CYFIP1: variants seen among roughly 807,000 people sequenced by gnomAD.
The protein encoded by CYFIP1 is cytoplasmic FMR1-interacting protein 1.
In CYFIP1, 58 loss-of-function variants were observed where a neutral mutation model predicts 163.5. The ratio of observed to expected loss-of-function variants is 0.35; its 90% CI spans 0.29 to 0.44. The LOEUF (loss-of-function observed/expected upper bound fraction) is 0.44, where lower values mean the gene tolerates loss of function less well. CYFIP1 is among the 20% of genes least tolerant of loss of function. CYFIP1 has a pLI of 1.00. For missense variants in CYFIP1, 1,338 were observed against 1,653.8 expected (o/e 0.81, Z 3.31); for synonymous variants, 663 against 660.7 (o/e 1.00, Z -0.05).
intron 11 of CYFIP1, 95 bp downstream of exon 11, chr15:22,932,128 A>G (rs1325320879): frequency 1.2e-6 from 1 of 818,222 alleles, no homozygotes; most frequent in African/African-American, 1.7e-5. Context: ...ATCTGGTAGT[A>G]AACTGTTTTT....
At chr15:22,911,549 C>T (rs936466076) in intron 18 of CYFIP1, among the ~76,000 whole-genome samples, 2 of 152,140 alleles carry the variant, frequency 1.3e-5, no homozygotes, top group East Asian at 1.9e-4. Flanking sequence ...AGATGGGATT[C>T]GCACTATCTC....
Position 22,960,748 on chromosome 15 carries a change from A to G in CYFIP1, c.-6-13457T>C, listed in dbSNP as rs537856979. Among the ~76,000 whole-genome samples the G allele has an allele frequency of 1.8e-4, 27 of 152,354 alleles. 1 individual carries two copies. The highest frequency in any genetic ancestry group is 1.6e-3 in the Admixed American group (25 of 15,302). On this transcript the variant is annotated intron_variant, in intron 1 of 30. Coordinates refer to ENST00000617928, the MANE Select transcript of CYFIP1 (RefSeq NM_014608.6). Reference sequence around the variant, plus strand: ...CCTCCTCCTGCTTAGGCATGAGACAAGCCTGACAATACCACATCTGGGCGG... The same window carrying G: ...CCTCCTCCTGCTTAGGCATGAGACAGGCCTGACAATACCACATCTGGGCGG...
chr15:22,951,580 C>G, intron 1 of CYFIP1: 1 of 1,282,860 alleles, frequency 7.8e-7, no homozygotes, highest in Admixed American at 2.3e-5. Context: ...TTTCTGCGGC[C>G]TGAACCCAGA....
chr15:22,897,909 T>C (rs1001312053), intron 22 of CYFIP1, among the ~76,000 whole-genome samples: 1 of 152,220 alleles, frequency 6.6e-6, no homozygotes, highest in Non-Finnish European at 1.5e-5. Flanking sequence ...GCAAAGGCTA[T>C]GGGATGCCCA....
chr15:22,930,637 A>G (rs1021036276), intron 11 of CYFIP1, among the ~76,000 whole-genome samples: 4 of 152,090 alleles, frequency 2.6e-5, no homozygotes, highest in Non-Finnish European at 5.9e-5. Flanking sequence ...ATTTTTAACG[A>G]AAAAGCTCAA....
chr15:22,926,256 C>G, intron 12 of CYFIP1, 149 bp from the exon 13 acceptor site: 1 of 1,162,104 alleles, frequency 8.6e-7, no homozygotes, highest in Non-Finnish European at 1.2e-6. Context: ...ACACACCGTC[C>G]ATCTCCACAG....
rs537117085 is a variant in CYFIP1, at chr15:22,907,434, G to A, written c.2388+1760C>T. On this transcript the variant is annotated intron_variant, in intron 21 of 30. Transcript: ENST00000617928. ...CGGCCTTCGGAAGTCTCATTGATCT[G>A]GATAAAGGGAAAAGCCCTAGGCCGA... 3.3e-5 allele frequency among the ~76,000 whole-genome samples: 5 copies of A among 152,252 alleles called. No homozygotes were observed. In the South Asian group the frequency reaches 1.0e-3, roughly 32 times the overall value.
chr15:22,928,320 T>C (rs867091961), intron 11 of CYFIP1, among the ~76,000 whole-genome samples: 6 of 152,010 alleles, frequency 3.9e-5, no homozygotes, highest in Non-Finnish European at 8.8e-5. Flanking sequence ...GAGGCGGAGC[T>C]TGCAGTGAGC....
At chr15:22,923,942 C>CAAAAAAAAAAAAAA (rs916058496) in intron 13 of CYFIP1, among the ~76,000 whole-genome samples, 3 of 61,800 alleles carry the variant, frequency 4.9e-5, no homozygotes, top group Admixed American at 2.5e-4. Context: ...ACCTTGTCTC[C>CAAAAAAAAAAAAAA]AAAAAAAAAA....
At chr15:22,914,313 T>C (rs1274053801) in intron 17 of CYFIP1, among the ~76,000 whole-genome samples, 1 of 152,060 alleles carries the variant, frequency 6.6e-6, no homozygotes, top group Non-Finnish European at 1.5e-5. Context: ...CCATGCAAAG[T>C]AGGAACGTGA....
chr15:22,909,910 G>A lies in CYFIP1; in HGVS notation c.2269-597C>T, dbSNP rs149625291. On this transcript the variant is annotated intron_variant, in intron 20 of 30. Transcript: ENST00000617928. ...GTTTTCTCTGATACTCTGAGCTGAT[G>A]AGTGCTTCTCACCTTCATTCTTTTT... Among the ~76,000 whole-genome samples the A allele has an allele frequency of 5.0e-4, 76 of 152,164 alleles. 1 individual carries two copies. In the East Asian group the frequency reaches 0.013, roughly 26 times the overall value.
At position 22,873,507 on chromosome 15, in the gene CYFIP1, G is replaced by A; in HGVS notation, c.3433C>T (p.His1145Tyr). Reference protein sequence around the residue: ...QFVYCIPVGTHEFTVEQCFGD... With the variant: ...QFVYCIPVGTYEFTVEQCFGD... ...CACACTTACTCGACTGTGAACTCGT[G>A]TGTCCCCACGGGAATGCAGTAGACA... Residue 1145 changes from histidine (H) to tyrosine (Y), a missense_variant, in exon 29 of 31, where the codon CAC (histidine) becomes TAC (tyrosine). Coordinates refer to ENST00000617928, the MANE Select transcript of CYFIP1 (RefSeq NM_014608.6). 6.2e-7 allele frequency: 1 copy of A among 1,613,748 alleles called. No individual in the cohort carries two copies. The highest frequency in any genetic ancestry group is 8.5e-7 in the Non-Finnish European group (1 of 1,179,688).
intron 1 of CYFIP1, among the ~76,000 whole-genome samples, chr15:22,953,008 G>A (rs1386729572): frequency 1.3e-5 from 2 of 152,200 alleles, no homozygotes; most frequent in Non-Finnish European, 2.9e-5. Flanking sequence ...TCCCACATCC[G>A]CCTTGGTGTG....
chr15:22,900,969 G>A (rs535696582), intron 22 of CYFIP1, among the ~76,000 whole-genome samples: 2 of 152,026 alleles, frequency 1.3e-5, no homozygotes, highest in Admixed American at 6.5e-5. Flanking sequence ...TTGGGTAGCC[G>A]AGGCGGGCAG....
rs749292097 is a variant in CYFIP1, at chr15:22,903,700, G to A, written c.2588+6C>T. ...CTGTGGGCGCCTGTGTGGCGGGCAC[G>A]CTCACCGGTTGGTAGAGCCGTTGTA... On this transcript the variant is annotated splice_donor_region_variant and intron_variant, in intron 22 of 30. Coordinates refer to ENST00000617928, the MANE Select transcript of CYFIP1 (RefSeq NM_014608.6). The A allele has an allele frequency of 7.4e-6, 12 of 1,613,002 alleles. No homozygotes were observed. Among genetic ancestry groups the A allele is most frequent in the Admixed American group, 1.7e-5 (1 of 60,030 alleles).
chr15:22,954,043 G>GA (rs1484984278), intron 1 of CYFIP1, among the ~76,000 whole-genome samples: 2 of 151,444 alleles, frequency 1.3e-5, no homozygotes, highest in Non-Finnish European at 2.9e-5. Context: ...GTGACAGAGC[G>GA]AAGACTGTCT....
chr15:22,977,870 G>C (rs183589169), intron 1 of CYFIP1, among the ~76,000 whole-genome samples: 1 of 152,008 alleles, frequency 6.6e-6, no homozygotes, highest in East Asian at 1.9e-4. Context: ...TAAAAGAAAA[G>C]AAAACAAAGG....
At chr15:22,931,579 C>A (rs1383336964) in intron 11 of CYFIP1, among the ~76,000 whole-genome samples, 1 of 148,652 alleles carries the variant, frequency 6.7e-6, no homozygotes, top group East Asian at 2.1e-4. Context: ...TCTCTCCAAC[C>A]ATCTTTCGAG....
At chr15:22,890,374 T>C (rs1383132909) in intron 23 of CYFIP1, among the ~76,000 whole-genome samples, 1 of 151,066 alleles carries the variant, frequency 6.6e-6, no homozygotes, top group Non-Finnish European at 1.5e-5. Context: ...GAGTATCACA[T>C]GGAGCAGAAT....
Sources: gnomAD v4.1 joint callset for allele counts (sites outside exome capture counted in the v4.1 genomes callset) on GRCh38, gnomAD v4.1.1 for gene constraint, MANE v1.5 for transcripts, NCBI Gene and HGNC (gene_info 2026-07-23, HGNC 2026-07-21) for gene names.